Variants in TSHZ3 observed in about 807,000 individuals in gnomAD.
TSHZ3 encodes teashirt zinc finger homeobox 3.
Under a neutral mutation model 64.5 loss-of-function variants are expected in TSHZ3, and 10 were observed. The ratio of observed to expected loss-of-function variants is 0.16; its 90% CI spans 0.10 to 0.26. TSHZ3 has a LOEUF of 0.26. TSHZ3 is among the 10% of genes least tolerant of loss of function. The pLI, the probability that TSHZ3 is intolerant of heterozygous loss-of-function variation, is 1.00. For missense variants in TSHZ3, 1,242 were observed against 1,421.7 expected (o/e 0.87, Z 2.03); for synonymous variants, 608 against 593.1 (o/e 1.03, Z -0.36).
chr19:31,337,395 T>C (rs1169540886), intron 1 of TSHZ3, among the ~76,000 whole-genome samples: 1 of 152,184 alleles, frequency 6.6e-6, no homozygotes, highest in Non-Finnish European at 1.5e-5. Context: ...AATAGCAAAG[T>C]TTTTCTAATC....
chr19:31,166,106 A>C (rs1974447734), intron 5 of TSHZ3, among the ~76,000 whole-genome samples: 1 of 152,210 alleles, frequency 6.6e-6, no homozygotes, highest in Non-Finnish European at 1.5e-5. Flanking sequence ...ATTCCTGCAC[A>C]GCGTTCAGCA....
chr19:31,264,845 T>C (rs1476380473), intron 1 of TSHZ3, among the ~76,000 whole-genome samples: 3 of 152,080 alleles, frequency 2.0e-5, no homozygotes, highest in African/African-American at 7.2e-5. Flanking sequence ...ACAGGGCCAG[T>C]CAACGAAGGT....
intron 5 of TSHZ3, among the ~76,000 whole-genome samples, chr19:31,170,151 C>A (rs1425931132): frequency 3.3e-5 from 5 of 152,134 alleles, no homozygotes. Context: ...GGGGCTTAAA[C>A]AACAGGGATG....
At position 31,277,742 on chromosome 19, in the gene TSHZ3, A is replaced by G. The variant is rs774307991; in HGVS notation, c.2051T>C (p.Leu684Pro). The G allele has an allele frequency of 3.3e-6, 5 of 1,522,628 alleles. No homozygotes were observed. In the East Asian group the frequency reaches 6.8e-5, roughly 21 times the overall value. The allele number at this position is 1,522,628 out of a possible 1,614,324, so 94.3% of individuals were successfully genotyped here. Residue 684 changes from leucine to proline, a missense_variant, in exon 2 of 2, where the codon CTC (leucine) becomes CCC (proline). Leu to Pro is a moderately conservative substitution (Grantham distance 98). Coordinates refer to ENST00000240587, the MANE Select transcript of TSHZ3 (RefSeq NM_020856.4). The surrounding 1 kb of genome is among the most constrained non-coding windows in gnomAD (Gnocchi z 4.5). ...CTTGCCATTCTCCACCGGCTCAGCG[A>G]GGGGGCTCCCATCCTTGCACCCATC... ...PRDGCKDGSP[L>P]AEPVENGKEL...
chr19:31,200,226 T>C (rs1376611759), intron 5 of TSHZ3, among the ~76,000 whole-genome samples: 1 of 151,906 alleles, frequency 6.6e-6, no homozygotes, highest in Non-Finnish European at 1.5e-5. Flanking sequence ...GGTATTTACC[T>C]AAAGGACTCA....
intron 4 of TSHZ3, among the ~76,000 whole-genome samples, chr19:31,215,486 T>C (rs566699555): frequency 6.6e-6 from 1 of 152,312 alleles, no homozygotes; most frequent in African/African-American, 2.4e-5. Context: ...ATGTGAGCTT[T>C]AAAAAACTAA....
chr19:31,331,924 T>C (rs1917107303), intron 1 of TSHZ3, among the ~76,000 whole-genome samples: 1 of 152,182 alleles, frequency 6.6e-6, no homozygotes, highest in Non-Finnish European at 1.5e-5. Context: ...CACTTTCTTC[T>C]GGGCAGGGGC....
intron 4 of TSHZ3, among the ~76,000 whole-genome samples, chr19:31,222,656 G>A (rs191088745): frequency 6.6e-5 from 10 of 152,230 alleles, no homozygotes; most frequent in East Asian, 3.9e-4. Flanking sequence ...TATCTTCTAC[G>A]GGGCTTAGCA....
intron 5 of TSHZ3, among the ~76,000 whole-genome samples, chr19:31,181,146 A>G (rs1599565177): frequency 6.6e-6 from 1 of 152,170 alleles, no homozygotes; most frequent in East Asian, 1.9e-4. Context: ...AGATCCACTT[A>G]CCAGTTTTTG....
intron 1 of TSHZ3, among the ~76,000 whole-genome samples, chr19:31,284,590 C>T (rs1976422105): frequency 2.6e-5 from 4 of 152,152 alleles, no homozygotes; most frequent in Admixed American, 2.0e-4. Flanking sequence ...TCTAGCACTG[C>T]CTCCTCTGCT....
At chr19:31,285,781 CAAAAAAAAAAAA>C (rs3030263) in intron 1 of TSHZ3, among the ~76,000 whole-genome samples, 3 of 44,986 alleles carry the variant, frequency 6.7e-5, no homozygotes, top group African/African-American at 1.9e-4. Context: ...GCCACTGTCT[CAAAAAAAAAAAA>C]AAAAAAAAAA....
chr19:31,306,534 C>T (rs1266196167), intron 1 of TSHZ3, among the ~76,000 whole-genome samples: 1 of 152,046 alleles, frequency 6.6e-6, no homozygotes, highest in Admixed American at 6.6e-5. Context: ...TGCGTGGGTG[C>T]GCATGTGCAC....
intron 5 of TSHZ3, among the ~76,000 whole-genome samples, chr19:31,178,156 T>C (rs1277718698): frequency 2.0e-5 from 3 of 152,212 alleles, no homozygotes; most frequent in Non-Finnish European, 4.4e-5. Flanking sequence ...CCATTGATGA[T>C]AGATATGATC....
chr19:31,208,795 A>T (rs1266003082), intron 4 of TSHZ3, among the ~76,000 whole-genome samples: 2 of 152,048 alleles, frequency 1.3e-5, no homozygotes, highest in African/African-American at 2.4e-5. Flanking sequence ...TTGACAACAC[A>T]CTCTTCCATG....
chr19:31,279,443 T>A lies in TSHZ3; in HGVS notation c.350A>T (p.Gln117Leu). The A allele has an allele frequency of 6.2e-7, 1 of 1,614,222 alleles. No homozygotes were observed. Among genetic ancestry groups the A allele is most frequent in the East Asian group, 2.2e-5 (1 of 44,890 alleles). Residue 117 changes from glutamine to leucine, a missense_variant, in exon 2 of 2, where the codon CAG (glutamine) becomes CTG (leucine). Transcript: ENST00000240587. This position sits in a 1 kb window ranked among gnomAD's most constrained non-coding sequence, Gnocchi z 6.4. ...GAAGTTGTTGTACACGGCCTTCATC[T>A]GCTCCAGGCTATCCGACACAGTCGT... is the stretch of plus-strand genomic sequence containing the variant. ...EDTTVSDSLE[Q>L]MKAVYNNFLS... is the part of the protein sequence containing the mutation.
chr19:31,284,561 G>C (rs935389393), intron 1 of TSHZ3, among the ~76,000 whole-genome samples: 3 of 152,118 alleles, frequency 2.0e-5, no homozygotes, highest in African/African-American at 7.2e-5. Context: ...GATGCACCAA[G>C]ATCTCTCATT....
intron 1 of TSHZ3, among the ~76,000 whole-genome samples, chr19:31,348,087 A>G (rs1044169657): frequency 6.6e-6 from 1 of 152,246 alleles, no homozygotes; most frequent in Admixed American, 6.5e-5. Flanking sequence ...ACCTCTGCAC[A>G]TCTGAGTGTT....
chr19:31,171,518 G>T (rs1974534634), intron 5 of TSHZ3, among the ~76,000 whole-genome samples: 1 of 151,514 alleles, frequency 6.6e-6, no homozygotes, highest in Admixed American at 6.6e-5. Flanking sequence ...AGAAGCCAGA[G>T]AATCAGTTTC....
chr19:31,216,150 T>C (rs2145163873), intron 4 of TSHZ3, among the ~76,000 whole-genome samples: 1 of 152,198 alleles, frequency 6.6e-6, no homozygotes, highest in East Asian at 1.9e-4. Flanking sequence ...ACAAGAAATA[T>C]AATTCTTTAT....
Sources: gnomAD v4.1 joint callset for allele counts (sites outside exome capture counted in the v4.1 genomes callset) on GRCh38, gnomAD v4.1.1 for gene constraint, Gnocchi (gnomAD v3.1) non-coding constraint, MANE v1.5 for transcripts, NCBI Gene and HGNC (gene_info 2026-07-23, HGNC 2026-07-21) for gene names.